The following DYNC1LI2 variants were observed in gnomAD, a reference collection of about 807,000 sequenced individuals.
The protein encoded by DYNC1LI2 is dynein cytoplasmic 1 light intermediate chain 2, also known as cytoplasmic dynein 1 light intermediate chain 2.
In DYNC1LI2, 19 loss-of-function variants were observed where a neutral mutation model predicts 57.8. The observed-to-expected ratio is 0.33, with a 90% CI of 0.23 to 0.48. The LOEUF is 0.48. DYNC1LI2 is among the 20% of genes least tolerant of loss of function. The pLI, the probability that DYNC1LI2 is intolerant of heterozygous loss-of-function variation, is 0.99. For synonymous variants in DYNC1LI2, 256 were observed against 233.4 expected, an observed-to-expected ratio of 1.10 and a Z score of -0.88; for missense variants, 470 against 604.2, an observed-to-expected ratio of 0.78 and a Z score of 2.33.
Position 66,723,095 on chromosome 16 carries a change from T to C in DYNC1LI2, c.*627A>G, listed in dbSNP as rs1405628134. 1 of 341,292 alleles carries C rather than the reference T, an allele frequency of 2.9e-6. No homozygotes were observed. Among genetic ancestry groups the C allele is most frequent in the East Asian group, 7.5e-5 (1 of 13,360 alleles). 21.1% of individuals were successfully genotyped at this position (341,292 alleles called of 1,614,324 possible). A position where few individuals can be genotyped will look rare whatever the true frequency, so the allele number is the denominator to read the frequency against. Reference sequence around the variant, plus strand: ...ACCCCCACAATTAGTACATCTTTCGTAAGTTAAAGATGCATTCAAAATAAG... The same window carrying C: ...ACCCCCACAATTAGTACATCTTTCGCAAGTTAAAGATGCATTCAAAATAAG... On this transcript the variant is annotated 3_prime_UTR_variant, in exon 13 of 13. Transcript: ENST00000258198.
intron 2 of DYNC1LI2, among the ~76,000 whole-genome samples, chr16:66,749,996 A>G (rs1316316518): frequency 6.6e-6 from 1 of 152,190 alleles, no homozygotes; most frequent in African/African-American, 2.4e-5. Flanking sequence ...CTGCCATTTA[A>G]TAATATGGAA....
rs764169956 is a variant in DYNC1LI2 at position 66,751,257 on chromosome 16, C to T, written c.181+16G>A. 19 of 1,609,278 alleles carry T rather than the reference C, an allele frequency of 1.2e-5. No individual in the cohort carries two copies. In the East Asian group the frequency reaches 4.3e-4, roughly 36 times the overall value. On this transcript the variant is annotated intron_variant, in intron 2 of 12. Coordinates refer to ENST00000258198, the MANE Select transcript of DYNC1LI2 (RefSeq NM_006141.3). The surrounding 1 kb of genome is among the most constrained non-coding windows in gnomAD (Gnocchi z 5.2). ...ACCCCAGCGACCTGGGGCAACGCCC[C>T]GCCGCCGGCGCTCACCGAAGACCAG...
chr16:66,725,396 G>C (rs189754631), intron 12 of DYNC1LI2, among the ~76,000 whole-genome samples: 1 of 151,786 alleles, frequency 6.6e-6, no homozygotes, highest in South Asian at 2.1e-4. Context: ...CAGGAGAATC[G>C]CTTGAACCTG....
intron 10 of DYNC1LI2, 178 bp from the exon 11 acceptor site, chr16:66,727,983 A>G: frequency 1.2e-6 from 1 of 841,964 alleles, no homozygotes; most frequent in Non-Finnish European, 1.8e-6. Flanking sequence ...AGACATCCAG[A>G]TAACAAAGCC....
At chr16:66,725,601 G>A (rs2017524200) in intron 12 of DYNC1LI2, among the ~76,000 whole-genome samples, 1 of 152,100 alleles carries the variant, frequency 6.6e-6, no homozygotes, top group Non-Finnish European at 1.5e-5. Context: ...CCCAGTTCCC[G>A]AGAACCCAAA....
rs1481382615 is a variant in DYNC1LI2 at position 66,721,851 on chromosome 16, G to A, written c.*1871C>T. The A allele has an allele frequency of 6.6e-6, 1 of 152,346 alleles. No homozygotes were observed. Among genetic ancestry groups the A allele is most frequent in the African/African-American group, 2.4e-5 (1 of 41,398 alleles). The allele number at this position is 152,346 out of a possible 1,614,324, so 9.4% of individuals were successfully genotyped here. On this transcript the variant is annotated 3_prime_UTR_variant, in exon 13 of 13. Coordinates refer to ENST00000258198, the MANE Select transcript of DYNC1LI2 (RefSeq NM_006141.3). ...GGCATGTGCCTTTCCAGGAATTCTT[G>A]TTTCTGAGGTCACTCATTTTACTCC...
chr16:66,743,560 C>CAAA (rs56749595), intron 3 of DYNC1LI2, among the ~76,000 whole-genome samples: 2 of 87,188 alleles, frequency 2.3e-5, no homozygotes, highest in Non-Finnish European at 4.4e-5. Context: ...GACTCCATCT[C>CAAA]AAAAAAAAAA....
At chr16:66,745,364 C>T (rs573904300) in intron 3 of DYNC1LI2, among the ~76,000 whole-genome samples, 173 of 152,144 alleles carry the variant, frequency 1.1e-3, no homozygotes, top group South Asian at 1.9e-3. Flanking sequence ...CTGCAGCCCA[C>T]GCCTCCCAGG....
At chr16:66,726,042 T>C (rs1414519968) in intron 11 of DYNC1LI2, 98 bp from the exon 12 acceptor site, 26 of 1,226,332 alleles carry the variant, frequency 2.1e-5, no homozygotes, top group Non-Finnish European at 2.3e-6. Flanking sequence ...CTTGTGGCTA[T>C]CAGCTTCCTA....
At chr16:66,734,472 T>C (rs1472613169) in intron 5 of DYNC1LI2, among the ~76,000 whole-genome samples, 161 bp from the exon 6 acceptor site, 1 of 151,602 alleles carries the variant, frequency 6.6e-6, no homozygotes, top group Non-Finnish European at 1.5e-5. Context: ...CGGAGATTTT[T>C]CTCATTCATC....
chr16:66,740,846 C>T (rs1270893625), intron 4 of DYNC1LI2, among the ~76,000 whole-genome samples: 1 of 152,206 alleles, frequency 6.6e-6, no homozygotes, highest in African/African-American at 2.4e-5. Flanking sequence ...TTCCAGTCCT[C>T]AACTACCTAC....
chr16:66,747,783 C>G (rs1040037783), intron 3 of DYNC1LI2, among the ~76,000 whole-genome samples: 54 of 151,892 alleles, frequency 3.6e-4, no homozygotes, highest in African/African-American at 1.3e-3. Flanking sequence ...GTTGACCAGG[C>G]TGGTCTTGAA....
At chr16:66,729,220 T>A in intron 8 of DYNC1LI2, 121 bp from the exon 9 acceptor site, 2 of 1,066,770 alleles carry the variant, frequency 1.9e-6, no homozygotes, top group Admixed American at 3.4e-5. Flanking sequence ...AGATCCCTAC[T>A]GAGACTGCAG....
intron 8 of DYNC1LI2, 116 bp downstream of exon 8, chr16:66,729,996 G>A: frequency 1.3e-6 from 1 of 747,636 alleles, no homozygotes. Flanking sequence ...CGCCAGGCTG[G>A]TCTCAAACTC....
intron 3 of DYNC1LI2, among the ~76,000 whole-genome samples, chr16:66,745,256 C>A (rs566831941): frequency 6.6e-6 from 1 of 151,822 alleles, no homozygotes; most frequent in Admixed American, 6.6e-5. Flanking sequence ...ATTTTATTAA[C>A]TATTAATACT....
intron 5 of DYNC1LI2, 45 bp from the exon 6 acceptor site, chr16:66,734,356 C>A: frequency 6.3e-7 from 1 of 1,576,730 alleles, no homozygotes; most frequent in Non-Finnish European, 8.7e-7. Flanking sequence ...TCATTGCCTG[C>A]TGACGATGGG....
In DYNC1LI2 at chr16:66,749,367, G is replaced by C. The variant is rs1021994775; in HGVS notation, c.182-54C>G. ...GTACTGTTTATTCCGGGCAAGGATGGGGAGGCATGACACTCACATGACACG... is the reference window on the plus strand; with the variant it reads ...GTACTGTTTATTCCGGGCAAGGATGCGGAGGCATGACACTCACATGACACG... On this transcript the variant is annotated intron_variant, in intron 2 of 12. Transcript: ENST00000258198. The C allele has an allele frequency of 6.5e-6, 10 of 1,542,426 alleles. No individual in the cohort carries two copies. The Admixed American group carries it at 1.7e-4, about 26-fold the overall frequency.
In DYNC1LI2 at chr16:66,751,580, C is replaced by G; in HGVS notation, c.12G>C (p.Val4=). 1.9e-6 allele frequency: 3 copies of G among 1,577,570 alleles called. No homozygotes were observed. The South Asian group carries it at 3.4e-5, about 18-fold the overall frequency. Residue 4 remains valine (V), a synonymous_variant, in exon 1 of 13, where the codon GTG becomes GTC. Transcript: ENST00000258198. This position sits in a 1 kb window ranked among gnomAD's most constrained non-coding sequence, Gnocchi z 5.2. Reference sequence around the variant, plus strand: ...CTAGCAGCAGCTTCTTCTCCACCCCCACCGGCGCCATCTTGCCAACTGCAG... The same window carrying G: ...CTAGCAGCAGCTTCTTCTCCACCCCGACCGGCGCCATCTTGCCAACTGCAG... MAP[V]GVEKKLLLGP...
intron 4 of DYNC1LI2, among the ~76,000 whole-genome samples, chr16:66,737,661 A>T (rs2017759319): frequency 6.6e-6 from 1 of 152,144 alleles, no homozygotes; most frequent in Admixed American, 6.6e-5. Context: ...TCTTTTGGGG[A>T]TCCCAAGTCA....
Sources: allele counts gnomAD v4.1 joint callset (sites outside exome capture counted in the v4.1 genomes callset), GRCh38; gene constraint gnomAD v4.1.1; non-coding constraint Gnocchi (gnomAD v3.1); transcripts MANE v1.5; gene names NCBI Gene and HGNC (gene_info 2026-07-23, HGNC 2026-07-21).